GFM1: variants seen among roughly 807,000 people sequenced by gnomAD.
GFM1 encodes G elongation factor mitochondrial 1.
GFM1 carries 62 observed loss-of-function variants against 96.2 expected under a neutral mutation model. The ratio of observed to expected loss-of-function variants is 0.64; its 90% CI spans 0.53 to 0.80. The LOEUF (loss-of-function observed/expected upper bound fraction) is 0.80. Among genes scored for constraint, GFM1 ranks in the 30% least tolerant of loss-of-function variants. The pLI is 0.00. For synonymous variants in GFM1, 282 were observed against 312.9 expected (o/e 0.90, Z 1.04); for missense variants, 852 against 916.6 (o/e 0.93, Z 0.91).
rs76679758 is a variant in GFM1, at chr3:158,691,122, A to G, written c.2071-17A>G. ...TCCAATAAGCAGTGCTAAAATATCT[A>G]CTATGTTTGTTTTCAGGTCCCTCTA... On this transcript the variant is annotated splice_polypyrimidine_tract_variant and intron_variant, in intron 16 of 17. Transcript: ENST00000486715. 1.2e-3 allele frequency: 1,883 copies of G among 1,578,200 alleles called. 18 individuals are homozygous for G. The African/African-American group carries it at 0.021, about 17-fold the overall frequency.
rs1392678465 is a variant in GFM1, at chr3:158,695,222, A to G, written c.*3755A>G. On this transcript the variant is annotated 3_prime_UTR_variant, in exon 18 of 18. Transcript: ENST00000486715. ...AACCCCGTCTCTACTATAAATACAA[A>G]AATCGTCCGGGCGGGGTGGCTCACG... 2 of 151,758 alleles carry G rather than the reference A, an allele frequency of 1.3e-5. No individual in the cohort carries two copies. Among genetic ancestry groups the G allele is most frequent in the Admixed American group, 1.3e-4 (2 of 15,214 alleles). The allele number at this position is 151,758 out of a possible 1,614,324, so 9.4% of individuals were successfully genotyped here. A position where few individuals can be genotyped will look rare whatever the true frequency, so the allele number is the denominator to read the frequency against.
rs1441458627 is a variant in GFM1 at position 158,694,881 on chromosome 3, TA to T, written c.*3417del. Among the ~76,000 whole-genome samples the T allele has an allele frequency of 2.0e-5, 3 of 152,196 alleles. No individual in the cohort carries two copies. The highest frequency in any genetic ancestry group is 7.2e-5 in the African/African-American group (3 of 41,446). Reference sequence around the variant, plus strand: ...TATTTTATATGTCTTAAGAAAGTTCTAAAGGTATTAGGAAAATGAATGTCAA... The same window carrying T: ...TATTTTATATGTCTTAAGAAAGTTCTAAGGTATTAGGAAAATGAATGTCAA... On this transcript the variant is annotated 3_prime_UTR_variant, in exon 18 of 18. Transcript: ENST00000486715.
intron 5 of GFM1, chr3:158,650,817 T>G (rs1722229885): frequency 6.6e-6 from 1 of 152,104 alleles, no homozygotes; most frequent in Non-Finnish European, 1.5e-5. Context: ...GGTCAGGAGA[T>G]AGAGACCATC....
At chr3:158,664,776 G>A (rs766911968) in intron 11 of GFM1, among the ~76,000 whole-genome samples, 35 of 152,280 alleles carry the variant, frequency 2.3e-4, no homozygotes, top group Non-Finnish European at 4.7e-4. Flanking sequence ...GATTTGGGAG[G>A]ATTAGGGTAT....
chr3:158,684,406 G>T, intron 14 of GFM1, 118 bp from the exon 15 acceptor site: 1 of 954,690 alleles, frequency 1.0e-6, no homozygotes, highest in Non-Finnish European at 1.7e-6. Context: ...ATTTTTGAGG[G>T]GTGAAATACA....
chr3:158,682,005 A>T lies in GFM1; in HGVS notation c.1612A>T (p.Thr538Ser), dbSNP rs1280795495. The change falls in exon 14 of 18, where the codon ACA (threonine) becomes TCA (serine). Residue 538 changes from threonine to serine, a missense_variant. Coordinates refer to ENST00000486715, the MANE Select transcript of GFM1 (RefSeq NM_024996.7). ...CTAAATCACTTTCAGGTTTGACTTT[A>T]CACATAAAAAACAATCAGGTGGTGC... Reference protein sequence around the residue: ...TITAPVPFDFTHKKQSGGAGQ... With the variant: ...TITAPVPFDFSHKKQSGGAGQ... 6.2e-7 allele frequency: 1 copy of T among 1,612,548 alleles called. No individual in the cohort carries two copies. Among genetic ancestry groups the T allele is most frequent in the Admixed American group, 1.7e-5 (1 of 59,890 alleles).
chr3:158,682,184 A>G, intron 14 of GFM1, 27 bp downstream of exon 14: 6 of 1,574,976 alleles, frequency 3.8e-6, no homozygotes, highest in Non-Finnish European at 5.2e-6. Context: ...GTGTTTTTGC[A>G]TTTTTACTTA....
rs1292115463 is a variant in GFM1 at position 158,692,286 on chromosome 3, C to A, written c.*819C>A. ...TGCATATACTATTCTTGTTTGTGTT[C>A]ATCTTAATGTTTTTGTACAGCTAAA... On this transcript the variant is annotated 3_prime_UTR_variant, in exon 18 of 18. Transcript: ENST00000486715. 6.6e-6 allele frequency: 1 copy of A among 152,102 alleles called. No individual in the cohort carries two copies. Among genetic ancestry groups the A allele is most frequent in the African/African-American group, 2.4e-5 (1 of 41,418 alleles). 9.4% of individuals were successfully genotyped at this position (152,102 alleles called of 1,614,324 possible).
chr3:158,657,667 C>G (rs1722877765), intron 8 of GFM1: 1 of 150,682 alleles, frequency 6.6e-6, no homozygotes, highest in South Asian at 2.1e-4. Context: ...TTTTTCTTTC[C>G]CCATCATTAA....
chr3:158,680,868 G>A (rs1027181235), intron 13 of GFM1, among the ~76,000 whole-genome samples: 15 of 152,152 alleles, frequency 9.9e-5, no homozygotes, highest in Admixed American at 9.8e-4. Flanking sequence ...CTTTAGAGCA[G>A]TGCTGCCCAA....
intron 13 of GFM1, among the ~76,000 whole-genome samples, chr3:158,678,468 C>T (rs1725085499): frequency 6.6e-6 from 1 of 152,014 alleles, no homozygotes; most frequent in African/African-American, 2.4e-5. Flanking sequence ...AAGTTGATTC[C>T]AACCCTCATG....
chr3:158,682,511 C>G (rs1246302828), intron 14 of GFM1: 1 of 252,650 alleles, frequency 4.0e-6, no homozygotes, highest in African/African-American at 2.3e-5. Flanking sequence ...CTTTAGATTC[C>G]CAACACCTGG....
In GFM1 at chr3:158,666,435, T is replaced by C. The variant is rs772500027; in HGVS notation, c.1601+49T>C. On this transcript the variant is annotated intron_variant, in intron 13 of 17. Transcript: ENST00000486715. ...ATTATGAGGCTGAAATTGAAGCTTT[T>C]TATTTTGGATATACATACCACTATT... is the stretch of plus-strand genomic sequence containing the variant. The C allele has an allele frequency of 6.9e-6, 10 of 1,439,452 alleles. No individual in the cohort carries two copies. In the South Asian group the frequency reaches 1.1e-4, roughly 17 times the overall value. The allele number at this position is 1,439,452 out of a possible 1,614,324, so 89.2% of individuals were successfully genotyped here.
intron 13 of GFM1, among the ~76,000 whole-genome samples, chr3:158,668,725 A>G (rs1723969125): frequency 6.6e-6 from 1 of 152,204 alleles, no homozygotes; most frequent in South Asian, 2.1e-4. Flanking sequence ...AACAAAGCAC[A>G]GTTATTAGGC....
Position 158,694,543 on chromosome 3 carries a change from G to T in GFM1, c.*3076G>T, listed in dbSNP as rs1350730064. On this transcript the variant is annotated 3_prime_UTR_variant, in exon 18 of 18. Coordinates refer to ENST00000486715, the MANE Select transcript of GFM1 (RefSeq NM_024996.7). ...AACAAACCCCCAGGACACAAGTTTA[G>T]CTATGTAACAAGCCTGCACATCAAC... is the stretch of plus-strand genomic sequence containing the variant. Among the ~76,000 whole-genome samples, 2 of 152,054 alleles carry T rather than the reference G, an allele frequency of 1.3e-5. No individual in the cohort carries two copies. Among genetic ancestry groups the T allele is most frequent in the Non-Finnish European group, 2.9e-5 (2 of 67,994 alleles).
chr3:158,644,732 A>G lies in GFM1; in HGVS notation c.81+17A>G. On this transcript the variant is annotated intron_variant, in intron 1 of 17. Transcript: ENST00000486715. ...AGGAAGCAGGTACCGGAGCATAGAG[A>G]GGCTAAATCGGGACCATTCCCGGAA... The G allele has an allele frequency of 3.8e-6, 6 of 1,562,572 alleles. No individual in the cohort carries two copies. Among genetic ancestry groups the G allele is most frequent in the Non-Finnish European group, 5.2e-6 (6 of 1,152,354 alleles).
At chr3:158,669,845 T>G (rs866836181) in intron 13 of GFM1, among the ~76,000 whole-genome samples, 21 of 152,218 alleles carry the variant, frequency 1.4e-4, no homozygotes, top group Admixed American at 1.1e-3. Context: ...CATAATCTTA[T>G]GAATTCTAGT....
intron 13 of GFM1, among the ~76,000 whole-genome samples, chr3:158,675,148 G>A (rs1353181002): frequency 2.6e-5 from 4 of 151,626 alleles, no homozygotes; most frequent in African/African-American, 7.3e-5. Flanking sequence ...TTAGCCGGGC[G>A]TGGCGGCGGG....
chr3:158,648,070 A>G (rs1721974712), intron 4 of GFM1, among the ~76,000 whole-genome samples: 1 of 152,078 alleles, frequency 6.6e-6, no homozygotes, highest in South Asian at 2.1e-4. Context: ...CTTGCCTGAA[A>G]ACTTTTTTTT....
Sources: gnomAD v4.1 joint callset for allele counts (sites outside exome capture counted in the v4.1 genomes callset) on GRCh38, gnomAD v4.1.1 for gene constraint, MANE v1.5 for transcripts, NCBI Gene and HGNC (gene_info 2026-07-23, HGNC 2026-07-21) for gene names.